Variants in ADGRA2 observed in about 807,000 individuals in gnomAD.
ADGRA2 encodes the protein G-protein coupled receptor 124.
Under a neutral mutation model 98.7 loss-of-function variants are expected in ADGRA2, and 61 were observed. That is an observed-to-expected ratio of 0.62 (90% CI 0.50 to 0.76). The LOEUF (loss-of-function observed/expected upper bound fraction) is 0.76. Among genes scored for constraint, ADGRA2 ranks in the 30% least tolerant of loss-of-function variants. The pLI, the probability that ADGRA2 is intolerant of heterozygous loss-of-function variation, is 0.00. For missense variants in ADGRA2, 1,712 were observed against 1,860.0 expected, an observed-to-expected ratio of 0.92 and a Z score of 1.46; for synonymous variants, 858 against 831.5, an observed-to-expected ratio of 1.03 and a Z score of -0.55.
chr8:37,828,924 G>T lies in ADGRA2; in HGVS notation c.375G>T (p.Pro125=), dbSNP rs142254876. The part of the protein sequence containing the change: ...LRNNIISTVQ[P]GAFLGLGELK... ...ACAACATCATCAGCACAGTGCAGCC[G>T]GGCGCCTTCCTGGGCCTGGGGGAGC... The change falls in exon 3 of 19, where the codon CCG becomes CCT. Residue 125 remains proline, a synonymous_variant. Coordinates refer to ENST00000412232, the MANE Select transcript of ADGRA2 (RefSeq NM_032777.10). 1 of 1,591,130 alleles carries T rather than the reference G, an allele frequency of 6.3e-7. No homozygotes were observed. The highest frequency in any genetic ancestry group is 1.8e-5 in the Admixed American group (1 of 55,934).
chr8:37,832,910 C>G, intron 8 of ADGRA2, 100 bp from the exon 9 acceptor site: 1 of 872,404 alleles, frequency 1.1e-6, no homozygotes, highest in Non-Finnish European at 1.8e-6. Context: ...GATCCCTCCC[C>G]AAGGCCCCAA....
chr8:37,810,306 C>T (rs1057278880), intron 1 of ADGRA2, among the ~76,000 whole-genome samples: 2 of 151,646 alleles, frequency 1.3e-5, no homozygotes, highest in East Asian at 2.0e-4. Context: ...ATCAAGAGAT[C>T]GAGACCATCC....
chr8:37,838,276 G>A (rs4976888), intron 14 of ADGRA2, among the ~76,000 whole-genome samples: 97,231 of 147,488 alleles, frequency 0.66, 32,967 homozygotes, highest in East Asian at 0.89. Context: ...TTTTTTAGAC[G>A]GAGTCTGGCT....
At chr8:37,810,502 T>G (rs952898564) in intron 1 of ADGRA2, among the ~76,000 whole-genome samples, 2 of 150,008 alleles carry the variant, frequency 1.3e-5, no homozygotes, top group African/African-American at 2.5e-5. Context: ...AGCAAGGCTC[T>G]CTCTCTCAAA....
chr8:37,807,891 G>A (rs1007190416), intron 1 of ADGRA2, among the ~76,000 whole-genome samples: 5 of 152,176 alleles, frequency 3.3e-5, no homozygotes, highest in Non-Finnish European at 5.9e-5. Context: ...GACTCTTCCC[G>A]CACATGTGAG....
In ADGRA2 at chr8:37,830,888, C is replaced by A. The variant is rs752774688; in HGVS notation, c.897C>A (p.Ala299=). The change falls in exon 7 of 19, where the codon GCC becomes GCA. Residue 299 remains alanine, a synonymous_variant. Transcript: ENST00000412232. The surrounding 1 kb of genome is among the most constrained non-coding windows in gnomAD (Gnocchi z 4.8). ...EGDEQAGILL[A]ESLIHDCTFI... ...ATGAGCAGGCGGGCATCCTCCTGGC[C>A]GAGAGCCTCATCCACGACTGCACCT... is the stretch of plus-strand genomic sequence containing the variant. 2 of 1,588,320 alleles carry A rather than the reference C, an allele frequency of 1.3e-6. No homozygotes were observed. Among genetic ancestry groups the A allele is most frequent in the East Asian group, 4.6e-5 (2 of 43,724 alleles).
In ADGRA2 at chr8:37,814,860, CA is replaced by C. The variant is rs755461240; in HGVS notation, c.267-35del. 17 of 1,499,626 alleles carry C rather than the reference CA, an allele frequency of 1.1e-5. No homozygotes were observed. The highest frequency in any genetic ancestry group is 1.1e-4 in the African/African-American group (8 of 72,780). The allele number at this position is 1,499,626 out of a possible 1,614,324, so 92.9% of individuals were successfully genotyped here. A position where few individuals can be genotyped will look rare whatever the true frequency, so the allele number is the denominator to read the frequency against. On this transcript the variant is annotated intron_variant, in intron 1 of 18. Transcript: ENST00000412232. The surrounding 1 kb of genome is among the most constrained non-coding windows in gnomAD (Gnocchi z 4.3). Reference sequence around the variant, plus strand: ...AAAGCGGATGCCCAGCACATAACAGCACCTTGTCCTGTCTGTGTCCTCTCTG... The same window carrying C: ...AAAGCGGATGCCCAGCACATAACAGCCCTTGTCCTGTCTGTGTCCTCTCTG...
Position 37,840,856 on chromosome 8 carries a change from A to ACCCCCCCCCCCCCCCCCCAACC in ADGRA2, c.2747+11_2747+12insCCCCCCCCCCCCCCAACCCCCC. 6.7e-7 allele frequency: 1 copy of ACCCCCCCCCCCCCCCCCCAACC among 1,483,354 alleles called. No homozygotes were observed. 91.9% of individuals were successfully genotyped at this position (1,483,354 alleles called of 1,614,324 possible). On this transcript the variant is annotated splice_region_variant and intron_variant, in intron 18 of 18. Coordinates refer to ENST00000412232, the MANE Select transcript of ADGRA2 (RefSeq NM_032777.10). ...ACCGGGACCACAGCCCCTAGTGAGC[A>ACCCCCCCCCCCCCCCCCCAACC]CCCCTCCCTCCCGCCCCAAGCCTAC...
Position 37,829,279 on chromosome 8 carries a change from G to T in ADGRA2, c.429G>T (p.Arg143=), listed in dbSNP as rs759478704. Residue 143 remains arginine (R), a synonymous_variant, in exon 4 of 19, where the codon CGG becomes CGT. Coordinates refer to ENST00000412232, the MANE Select transcript of ADGRA2 (RefSeq NM_032777.10). ...TCTCTAGAGATCTCTCCAACAACCG[G>T]ATTGGCTGTCTCACCTCCGAGACCT... ...ELKRLDLSNN[R]IGCLTSETFQ... 1 of 1,613,652 alleles carries T rather than the reference G, an allele frequency of 6.2e-7. No homozygotes were observed. The highest frequency in any genetic ancestry group is 1.1e-5 in the South Asian group (1 of 91,038).
rs746623075 is a variant in ADGRA2 at position 37,802,932 on chromosome 8, G to A, written c.266+5398G>A. 5.9e-5 allele frequency among the ~76,000 whole-genome samples: 9 copies of A among 152,214 alleles called. No individual in the cohort carries two copies. In the South Asian group the frequency reaches 8.3e-4, roughly 14 times the overall value. The stretch of plus-strand genomic sequence containing the variant: ...AAGATCCCAAATGTGTTATTTGGCC[G>A]GAGTTACTCCTGCATGTGCATGAAC... On this transcript the variant is annotated intron_variant, in intron 1 of 18. Coordinates refer to ENST00000412232, the MANE Select transcript of ADGRA2 (RefSeq NM_032777.10). The surrounding 1 kb of genome is among the most constrained non-coding windows in gnomAD (Gnocchi z 4.7).
chr8:37,797,653 A>G lies in ADGRA2; in HGVS notation c.266+119A>G. 9.7e-7 allele frequency: 1 copy of G among 1,033,886 alleles called. No homozygotes were observed. The highest frequency in any genetic ancestry group is 3.3e-5 in the East Asian group (1 of 30,606). The allele number at this position is 1,033,886 out of a possible 1,614,324, so 64.0% of individuals were successfully genotyped here. ...CCCCCCACTTCAGAGATTTCTGGAC[A>G]GGCCTGGGTTCAGGCCCCCAGAGGG... On this transcript the variant is annotated intron_variant, in intron 1 of 18. Coordinates refer to ENST00000412232, the MANE Select transcript of ADGRA2 (RefSeq NM_032777.10). This position sits in a 1 kb window ranked among gnomAD's most constrained non-coding sequence, Gnocchi z 5.3.
rs1805924184 is a variant in ADGRA2 at position 37,844,888 on chromosome 8, G to A, written c.*2533G>A. On this transcript the variant is annotated 3_prime_UTR_variant, in exon 19 of 19. Coordinates refer to ENST00000412232, the MANE Select transcript of ADGRA2 (RefSeq NM_032777.10). ...TGCTTCACCACAGACCGTTTGTCAA[G>A]TCTCAGAACTCGTAACCAGGCCAGC... The A allele has an allele frequency of 6.2e-7, 1 of 1,614,094 alleles. No individual in the cohort carries two copies. Among genetic ancestry groups the A allele is most frequent in the South Asian group, 1.1e-5 (1 of 91,094 alleles).
At position 37,830,846 on chromosome 8, in the gene ADGRA2, A is replaced by C; in HGVS notation, c.855A>C (p.Arg285=). The change falls in exon 7 of 19, where the codon CGA becomes CGC. Residue 285 remains arginine, a synonymous_variant. Transcript: ENST00000412232. This position sits in a 1 kb window ranked among gnomAD's most constrained non-coding sequence, Gnocchi z 4.8. ...CCCGCATCCGCTGGTACCACAACCGAGCCCCTGTGGAGGGTGATGAGCAGG... is the reference window on the plus strand; with the variant it reads ...CCCGCATCCGCTGGTACCACAACCGCGCCCCTGTGGAGGGTGATGAGCAGG... ...NDTRIRWYHN[R]APVEGDEQAG... is the part of the protein sequence containing the mutation. 1 of 1,593,602 alleles carries C rather than the reference A, an allele frequency of 6.3e-7. No homozygotes were observed.
At position 37,842,325 on chromosome 8, in the gene ADGRA2, C is replaced by T; in HGVS notation, c.3987C>T (p.Thr1329=). 2 of 1,525,014 alleles carry T rather than the reference C, an allele frequency of 1.3e-6. No individual in the cohort carries two copies. Among genetic ancestry groups the T allele is most frequent in the South Asian group, 1.3e-5 (1 of 79,898 alleles). 94.5% of individuals were successfully genotyped at this position (1,525,014 alleles called of 1,614,324 possible). A position where few individuals can be genotyped will look rare whatever the true frequency, so the allele number is the denominator to read the frequency against. ...TAGCCAGCGGCGGCTGCATGAAGAC[C>T]GGACTCTGGAAGAGCGAAACTACCG... ...AEVASGGCMK[T]GLWKSETTV is the part of the protein sequence containing the mutation. Residue 1329 remains threonine, a synonymous_variant, in exon 19 of 19, where the codon ACC becomes ACT. Transcript: ENST00000412232.
At chr8:37,836,637 T>C (rs999308165) in intron 13 of ADGRA2, among the ~76,000 whole-genome samples, 1 of 152,078 alleles carries the variant, frequency 6.6e-6, no homozygotes, top group Non-Finnish European at 1.5e-5. Context: ...CCAGCCCATC[T>C]CTGGCCCCCA....
chr8:37,838,909 G>C, intron 14 of ADGRA2, 47 bp from the exon 15 acceptor site: 1 of 1,524,196 alleles, frequency 6.6e-7, no homozygotes. Context: ...CTGGGGGCCT[G>C]GCGAGGTGTC....
intron 2 of ADGRA2, among the ~76,000 whole-genome samples, chr8:37,826,127 C>T (rs1805273115): frequency 6.6e-6 from 1 of 151,346 alleles, no homozygotes; most frequent in Admixed American, 6.6e-5. Context: ...CACAAGTGAG[C>T]GGGGAGGGAA....
intron 15 of ADGRA2, 185 bp downstream of exon 15, chr8:37,839,268 C>G: frequency 1.6e-6 from 1 of 611,302 alleles, no homozygotes; most frequent in Non-Finnish European, 2.0e-6. Context: ...GAGGACTTGG[C>G]AGGGGTTTTT....
In ADGRA2 at chr8:37,839,863, G is replaced by T. The variant is rs1317799437; in HGVS notation, c.2511+241G>T. ...TTCAAAGTGGAAATGGAGACGTGCA[G>T]TGGTGGGGAGGTGGGGGATCAGCCA... On this transcript the variant is annotated intron_variant, in intron 16 of 18. Coordinates refer to ENST00000412232, the MANE Select transcript of ADGRA2 (RefSeq NM_032777.10). Among the ~76,000 whole-genome samples the T allele has an allele frequency of 1.8e-3, 278 of 152,294 alleles. 1 individual carries two copies. The highest frequency in any genetic ancestry group is 5.9e-3 in the African/African-American group (246 of 41,560).
Sources: allele counts gnomAD v4.1 joint callset (sites outside exome capture counted in the v4.1 genomes callset), GRCh38; gene constraint gnomAD v4.1.1; non-coding constraint Gnocchi (gnomAD v3.1); transcripts MANE v1.5; gene names NCBI Gene and HGNC (gene_info 2026-07-23, HGNC 2026-07-21).